The following PPDPFL variants were observed in gnomAD, a reference collection of about 807,000 sequenced individuals.
The protein encoded by PPDPFL is pancreatic progenitor cell differentiation and proliferation factor-like protein.
Under a neutral mutation model 12.6 loss-of-function variants are expected in PPDPFL, and 12 were observed. The observed-to-expected ratio is 0.95, with a 90% CI of 0.61 to 1.54. The LOEUF (loss-of-function observed/expected upper bound fraction) is 1.54, where lower values mean the gene tolerates loss of function less well. Among genes scored for constraint, PPDPFL ranks in the 40% most tolerant of loss-of-function variants. The probability of loss-of-function intolerance (pLI) is 0.00; values close to 1 mark genes in which losing one functional copy is unlikely to be tolerated. For missense variants in PPDPFL, 114 were observed against 96.0 expected (o/e 1.19, Z -0.78); for synonymous variants, 24 against 32.7 (o/e 0.73, Z 0.91).
At chr8:49,073,991 T>C (rs1808441096) in intron 2 of PPDPFL, 68 bp from the exon 3 acceptor site, 3 of 1,034,282 alleles carry the variant, frequency 2.9e-6, no homozygotes, top group African/African-American at 1.6e-5. Flanking sequence ...AGTTTGTATA[T>C]AAATGATGCG....
At chr8:49,073,806 C>T (rs1808437833) in intron 2 of PPDPFL, among the ~76,000 whole-genome samples, 1 of 152,028 alleles carries the variant, frequency 6.6e-6, no homozygotes, top group Non-Finnish European at 1.5e-5. Flanking sequence ...ATTTTAAATT[C>T]AACATTGATA....
intron 1 of PPDPFL, among the ~76,000 whole-genome samples, chr8:49,062,125 A>C (rs149244220): frequency 1.7e-3 from 253 of 152,322 alleles, no homozygotes; most frequent in African/African-American, 6.0e-3. Context: ...AAGGGCCTCT[A>C]CCCTAAAGGA....
At chr8:49,061,596 G>T (rs1010791552) in intron 1 of PPDPFL, among the ~76,000 whole-genome samples, 1 of 152,136 alleles carries the variant, frequency 6.6e-6, no homozygotes, top group African/African-American at 2.4e-5. Context: ...AGGGTCTGGG[G>T]AAACAGCAAT....
At chr8:49,072,932 GTGA>G (rs772439417) in intron 2 of PPDPFL, 47 bp downstream of exon 2, 7 of 1,479,912 alleles carry the variant, frequency 4.7e-6, no homozygotes, top group Non-Finnish European at 5.6e-6. Flanking sequence ...ATGATTTGAG[GTGA>G]TGTTTGTGGG....
intron 3 of PPDPFL, 39 bp downstream of exon 3, chr8:49,074,175 C>A (rs188592189): frequency 2.5e-6 from 4 of 1,602,652 alleles, no homozygotes; most frequent in East Asian, 2.2e-5. Context: ...CTTATTATTT[C>A]TTTTTATTTT....
intron 1 of PPDPFL, among the ~76,000 whole-genome samples, chr8:49,058,812 C>T (rs566538287): frequency 3.5e-4 from 53 of 152,308 alleles, no homozygotes; most frequent in Middle Eastern, 3.4e-3. Flanking sequence ...TGATGCTTGG[C>T]TGTCATTGTG....
At chr8:49,073,571 C>T (rs1244331768) in intron 2 of PPDPFL, among the ~76,000 whole-genome samples, 1 of 152,156 alleles carries the variant, frequency 6.6e-6, no homozygotes, top group Non-Finnish European at 1.5e-5. Flanking sequence ...TATTTATCCA[C>T]AGGAGTTACT....
At chr8:49,061,832 G>C (rs1045267258) in intron 1 of PPDPFL, among the ~76,000 whole-genome samples, 6 of 152,228 alleles carry the variant, frequency 3.9e-5, no homozygotes, top group Non-Finnish European at 8.8e-5. Context: ...GCTTCTCCAA[G>C]GGGAAGGCCT....
At chr8:49,066,604 C>G (rs1808304828) in intron 1 of PPDPFL, among the ~76,000 whole-genome samples, 2 of 152,106 alleles carry the variant, frequency 1.3e-5, no homozygotes, top group South Asian at 4.2e-4. Flanking sequence ...GCCCCAGTCT[C>G]TCATCCCCCA....
At chr8:49,063,672 G>C (rs918723161) in intron 1 of PPDPFL, among the ~76,000 whole-genome samples, 4 of 151,964 alleles carry the variant, frequency 2.6e-5, no homozygotes, top group Non-Finnish European at 5.9e-5. Flanking sequence ...GAGCAGAAAT[G>C]GCACCAGTGC....
At chr8:49,064,463 G>A (rs1015528305) in intron 1 of PPDPFL, among the ~76,000 whole-genome samples, 1 of 152,046 alleles carries the variant, frequency 6.6e-6, no homozygotes, top group African/African-American at 2.4e-5. Flanking sequence ...GAGCCCCTGA[G>A]GAGATGCTCC....
chr8:49,063,330 C>G (rs993892703), intron 1 of PPDPFL, among the ~76,000 whole-genome samples: 1 of 152,192 alleles, frequency 6.6e-6, no homozygotes, highest in Admixed American at 6.5e-5. Flanking sequence ...GAACTTCTCC[C>G]TGTCCTTCCA....
At chr8:49,058,767 A>T (rs1808149738) in intron 1 of PPDPFL, among the ~76,000 whole-genome samples, 1 of 152,160 alleles carries the variant, frequency 6.6e-6, no homozygotes, top group Non-Finnish European at 1.5e-5. Context: ...TTAACCTCCA[A>T]AGTCTCCATT....
At chr8:49,059,438 T>C (rs1808161547) in intron 1 of PPDPFL, among the ~76,000 whole-genome samples, 1 of 152,068 alleles carries the variant, frequency 6.6e-6, no homozygotes. Context: ...TAGAAATGAG[T>C]GTGGATTCAT....
intron 1 of PPDPFL, among the ~76,000 whole-genome samples, chr8:49,055,706 G>A (rs575419787): frequency 6.6e-6 from 1 of 151,970 alleles, no homozygotes; most frequent in African/African-American, 2.4e-5. Context: ...TGTTTAATAA[G>A]GCATTTCAGA....
intron 1 of PPDPFL, among the ~76,000 whole-genome samples, chr8:49,062,307 A>G (rs1401552800): frequency 6.6e-6 from 1 of 152,162 alleles, no homozygotes; most frequent in Non-Finnish European, 1.5e-5. Context: ...TGTGAAACCG[A>G]TATGTTGTGA....
rs761846182 is a variant in PPDPFL, at chr8:49,075,135, C to T, written c.234-17C>T. ...TTATTTATCCCCTCCTCTCTGACTA[C>T]TATAAAATCAACCCAGATTACAGAT... On this transcript the variant is annotated splice_polypyrimidine_tract_variant and intron_variant, in intron 4 of 4. Transcript: ENST00000522267. The T allele has an allele frequency of 1.2e-6, 2 of 1,612,366 alleles. No individual in the cohort carries two copies. Among genetic ancestry groups the T allele is most frequent in the Non-Finnish European group, 1.7e-6 (2 of 1,179,140 alleles).
intron 1 of PPDPFL, among the ~76,000 whole-genome samples, chr8:49,063,072 A>G (rs1282890748): frequency 6.6e-6 from 1 of 152,190 alleles, no homozygotes; most frequent in Non-Finnish European, 1.5e-5. Context: ...AAACAAAAGA[A>G]CTATGTTGAA....
chr8:49,066,887 C>G (rs950539461), intron 1 of PPDPFL, among the ~76,000 whole-genome samples: 1 of 152,136 alleles, frequency 6.6e-6, no homozygotes, highest in Non-Finnish European at 1.5e-5. Context: ...CGTGTCCTGG[C>G]TCTGGCAATT....
Sources: gnomAD v4.1 joint callset for allele counts (sites outside exome capture counted in the v4.1 genomes callset) on GRCh38, gnomAD v4.1.1 for gene constraint, MANE v1.5 for transcripts, NCBI Gene and HGNC (gene_info 2026-07-23, HGNC 2026-07-21) for gene names.